Variants in EXD3 observed in about 807,000 individuals in gnomAD.
EXD3 encodes exonuclease 3'-5' domain containing 3, also known as exonuclease mut-7 homolog.
In EXD3, 92 loss-of-function variants were observed where a neutral mutation model predicts 98.0. That is an observed-to-expected ratio of 0.94 (90% CI 0.79 to 1.12). The LOEUF is 1.12. Among genes scored for constraint, EXD3 ranks in the 50% most tolerant of loss-of-function variants. The probability of loss-of-function intolerance (pLI) is 0.00; values close to 1 mark genes in which losing one functional copy is unlikely to be tolerated. For synonymous variants in EXD3, 569 were observed against 526.0 expected (o/e 1.08, Z -1.12); for missense variants, 1,222 against 1,191.6 (o/e 1.03, Z -0.38).
intron 3 of EXD3, among the ~76,000 whole-genome samples, chr9:137,381,561 C>CT: frequency 6.6e-6 from 1 of 152,276 alleles, no homozygotes; most frequent in Non-Finnish European, 1.5e-5. Flanking sequence ...GCCCTGCCTC[C>CT]TCCTCCTGCC....
intron 4 of EXD3, 112 bp downstream of exon 4, chr9:137,373,314 T>C: frequency 1.5e-6 from 2 of 1,338,798 alleles, no homozygotes; most frequent in Admixed American, 2.3e-5. Context: ...CCCCTCCCCT[T>C]CCCTGGCTTG....
intron 17 of EXD3, chr9:137,343,575 C>CTGTT (rs1833760148): frequency 1.8e-5 from 1 of 56,608 alleles, no homozygotes; most frequent in African/African-American, 7.9e-5. Flanking sequence ...ACTACTGTAT[C>CTGTT]TTTTTTTTTT....
intron 2 of EXD3, among the ~76,000 whole-genome samples, chr9:137,388,497 C>A (rs1048399781): frequency 6.6e-6 from 1 of 152,236 alleles, no homozygotes; most frequent in Admixed American, 6.5e-5. Context: ...TGGGTGGCGC[C>A]GAAGGCTCTG....
chr9:137,384,900 T>G (rs999629753), intron 2 of EXD3, among the ~76,000 whole-genome samples: 6 of 152,156 alleles, frequency 3.9e-5, no homozygotes, highest in Non-Finnish European at 1.5e-5. Context: ...GAGACCAGCC[T>G]GGCCAACGTG....
rs1036190247 is a variant in EXD3 at position 137,324,754 on chromosome 9, G to A, written c.1999-611C>T. 6.6e-5 allele frequency among the ~76,000 whole-genome samples: 10 copies of A among 152,084 alleles called. No homozygotes were observed. Among genetic ancestry groups the A allele is most frequent in the African/African-American group, 2.2e-4 (9 of 41,420 alleles). ...TTCGCCCAGGCCGGAGTGCAGTGGC[G>A]CTGTCTTGGCTCACTGCAAGCTCCG... On this transcript the variant is annotated intron_variant, in intron 17 of 21. Coordinates refer to ENST00000340951, the MANE Select transcript of EXD3 (RefSeq NM_017820.5). This position sits in a 1 kb window ranked among gnomAD's most constrained non-coding sequence, Gnocchi z 4.1.
At chr9:137,369,109 T>G (rs1588365578) in intron 5 of EXD3, among the ~76,000 whole-genome samples, 11 of 25,664 alleles carry the variant, frequency 4.3e-4, no homozygotes, top group South Asian at 1.1e-3. Flanking sequence ...GCCCGGGGCG[T>G]GGGAGTCTCG....
At chr9:137,361,883 G>A (rs1329293810) in intron 7 of EXD3, among the ~76,000 whole-genome samples, 2 of 151,970 alleles carry the variant, frequency 1.3e-5, no homozygotes, top group Non-Finnish European at 1.5e-5. Context: ...CACCAGCACT[G>A]GGAATGGGAG....
intron 2 of EXD3, among the ~76,000 whole-genome samples, chr9:137,394,039 C>T (rs1564204467): frequency 2.0e-5 from 3 of 152,330 alleles, no homozygotes; most frequent in South Asian, 2.1e-4. Context: ...CGCCCCAGCC[C>T]GTCCCCGGCA....
At chr9:137,320,881 A>T (rs894248429) in intron 19 of EXD3, among the ~76,000 whole-genome samples, 4 of 152,162 alleles carry the variant, frequency 2.6e-5, no homozygotes, top group African/African-American at 9.6e-5. Flanking sequence ...GGCGTCCCGG[A>T]CATCCTGGGG....
intron 19 of EXD3, among the ~76,000 whole-genome samples, chr9:137,319,391 T>A (rs568929856): frequency 5.6e-4 from 85 of 152,314 alleles, no homozygotes; most frequent in African/African-American, 2.0e-3. Context: ...GATGGGCCTC[T>A]CTTCACCTCT....
At chr9:137,327,135 C>CTT (rs777851313) in intron 17 of EXD3, among the ~76,000 whole-genome samples, 1 of 138,292 alleles carries the variant, frequency 7.2e-6, no homozygotes, top group Non-Finnish European at 1.6e-5. Flanking sequence ...GGTACGGAGT[C>CTT]TTTTTTTTTT....
chr9:137,394,644 G>A (rs1218883600), intron 2 of EXD3, among the ~76,000 whole-genome samples: 1 of 152,210 alleles, frequency 6.6e-6, no homozygotes, highest in African/African-American at 2.4e-5. Flanking sequence ...AGGAGGGAGA[G>A]AGGCTGCACC....
intron 3 of EXD3, among the ~76,000 whole-genome samples, chr9:137,380,866 G>A (rs963318049): frequency 2.0e-5 from 3 of 150,330 alleles, no homozygotes; most frequent in Non-Finnish European, 3.0e-5. Context: ...TTGGGAAGCC[G>A]AGGCAGGTGG....
At chr9:137,322,434 A>G (rs868491056) in intron 19 of EXD3, among the ~76,000 whole-genome samples, 33 of 84,132 alleles carry the variant, frequency 3.9e-4, no homozygotes, top group South Asian at 1.3e-3. Context: ...CTCTGCCGAC[A>G]CCTCACCCCG....
At chr9:137,392,446 G>T in intron 2 of EXD3, 1 of 172,808 alleles carries the variant, frequency 5.8e-6, no homozygotes, top group Non-Finnish European at 1.3e-5. Flanking sequence ...GACCAGGGTG[G>T]CACGGACAGG....
Position 137,325,138 on chromosome 9 carries a change from C to T in EXD3, c.1999-995G>A, listed in dbSNP as rs750288112. Among the ~76,000 whole-genome samples the T allele has an allele frequency of 8.5e-5, 13 of 152,320 alleles. No individual in the cohort carries two copies. In the Middle Eastern group the frequency reaches 0.01, roughly 120 times the overall value. On this transcript the variant is annotated intron_variant, in intron 17 of 21. Transcript: ENST00000340951. ...GCCTAGAGACAAGACCCAATCCCATCGCCGGGAGTGCCCTGTACCCAAAAC... is the reference window on the plus strand; with the variant it reads ...GCCTAGAGACAAGACCCAATCCCATTGCCGGGAGTGCCCTGTACCCAAAAC...
At chr9:137,353,542 A>G in intron 10 of EXD3, 1 of 986,166 alleles carries the variant, frequency 1.0e-6, no homozygotes, top group Non-Finnish European at 1.2e-6. Context: ...CTGGGTGGCA[A>G]TGACCAAGGG....
intron 19 of EXD3, among the ~76,000 whole-genome samples, chr9:137,314,173 G>A (rs1831512712): frequency 6.6e-6 from 1 of 152,192 alleles, no homozygotes; most frequent in Non-Finnish European, 1.5e-5. Context: ...GAAGCAATCA[G>A]GCACCAACCT....
chr9:137,386,875 A>G (rs1588402020), intron 2 of EXD3, among the ~76,000 whole-genome samples: 1 of 77,560 alleles, frequency 1.3e-5, no homozygotes, highest in Non-Finnish European at 2.7e-5. Context: ...TGGCCCCCTC[A>G]GCACCCCTGC....
Sources: allele counts gnomAD v4.1 joint callset (sites outside exome capture counted in the v4.1 genomes callset), GRCh38; gene constraint gnomAD v4.1.1; non-coding constraint Gnocchi (gnomAD v3.1); transcripts MANE v1.5; gene names NCBI Gene and HGNC (gene_info 2026-07-23, HGNC 2026-07-21).